NTM: variants seen among roughly 807,000 people sequenced by gnomAD.
NTM encodes the protein IgLON family member 2.
NTM carries 13 observed loss-of-function variants against 42.1 expected under a neutral mutation model. That is an observed-to-expected ratio of 0.31 (90% CI 0.20 to 0.49). The LOEUF (loss-of-function observed/expected upper bound fraction) is 0.49. Among genes scored for constraint, NTM ranks in the 20% least tolerant of loss-of-function variants. NTM has a pLI of 0.99. For missense variants in NTM, 373 were observed against 452.8 expected, an observed-to-expected ratio of 0.82 and a Z score of 1.60; for synonymous variants, 187 against 179.2, an observed-to-expected ratio of 1.04 and a Z score of -0.35.
Position 131,913,387 on chromosome 11 carries a change from T to C in NTM, c.167+1739T>C, listed in dbSNP as rs2012127. ...AGCTCTGTAGAGACTTGAAGATAAA[T>C]AAACAGGAAGTGGGTCCTGGCAGAC... On this transcript the variant is annotated intron_variant, in intron 2 of 8. Transcript: ENST00000683400. Among the ~76,000 whole-genome samples, 1,199 of 152,026 alleles carry C rather than the reference T, an allele frequency of 7.9e-3. 13 individuals are homozygous for C. Among genetic ancestry groups the C allele is most frequent in the African/African-American group, 0.028 (1,144 of 41,436 alleles).
chr11:131,722,457 G>A (rs2078481411), intron 1 of NTM, among the ~76,000 whole-genome samples: 1 of 152,334 alleles, frequency 6.6e-6, no homozygotes, highest in Admixed American at 6.5e-5. Flanking sequence ...AATTCTTCAA[G>A]CACATAAATG....
intron 3 of NTM, among the ~76,000 whole-genome samples, chr11:132,182,064 A>G (rs1459532571): frequency 6.6e-6 from 1 of 151,740 alleles, no homozygotes; most frequent in Non-Finnish European, 1.5e-5. Context: ...TCCATATTTC[A>G]TGAGGAAACC....
intron 1 of NTM, among the ~76,000 whole-genome samples, chr11:131,580,160 C>T (rs1002734910): frequency 6.6e-6 from 1 of 152,132 alleles, no homozygotes; most frequent in Non-Finnish European, 1.5e-5. Context: ...TTTTGCTAAC[C>T]CCCTCTATTG....
chr11:131,734,291 A>G (rs780103062), intron 1 of NTM, among the ~76,000 whole-genome samples: 3 of 152,164 alleles, frequency 2.0e-5, no homozygotes, highest in Non-Finnish European at 2.9e-5. Flanking sequence ...GGCCGCTGCC[A>G]TGGTCTCATA....
chr11:131,941,534 C>G (rs1036807119), intron 2 of NTM, among the ~76,000 whole-genome samples: 1 of 152,144 alleles, frequency 6.6e-6, no homozygotes, highest in East Asian at 1.9e-4. Context: ...TCTGTCTCTC[C>G]CCTGGAACTT....
At chr11:131,822,659 A>G (rs571903216) in intron 1 of NTM, among the ~76,000 whole-genome samples, 5 of 152,204 alleles carry the variant, frequency 3.3e-5, no homozygotes, top group African/African-American at 1.2e-4. Flanking sequence ...CATGGTGTCA[A>G]TGTAATGTGT....
In NTM at chr11:132,073,166, T is replaced by A. The variant is rs193285816; in HGVS notation, c.168-73116T>A. Among the ~76,000 whole-genome samples the A allele has an allele frequency of 7.2e-4, 110 of 152,254 alleles. 2 individuals are homozygous for A. Among genetic ancestry groups the A allele is most frequent in the African/African-American group, 2.5e-3 (103 of 41,552 alleles). ...TTCTCTAGGCTAAGGGTTTCCAAAC[T>A]AAGTGTCCTCTGTATTAACAACGAG... On this transcript the variant is annotated intron_variant, in intron 2 of 8. Coordinates refer to ENST00000683400, the MANE Select transcript of NTM (RefSeq NM_001352005.2).
chr11:132,181,981 T>TATC (rs1408194674), intron 3 of NTM, among the ~76,000 whole-genome samples: 2 of 148,000 alleles, frequency 1.4e-5, no homozygotes, highest in Non-Finnish European at 3.0e-5. Context: ...TTATTATTAT[T>TATC]ATTATTATTA....
At chr11:131,848,437 T>C (rs183946056) in intron 1 of NTM, among the ~76,000 whole-genome samples, 2 of 152,306 alleles carry the variant, frequency 1.3e-5, no homozygotes, top group Admixed American at 6.5e-5. Flanking sequence ...TTCCTGATGA[T>C]GTGGTAATAT....
chr11:131,661,648 C>G (rs2134472024), intron 1 of NTM, among the ~76,000 whole-genome samples: 1 of 152,260 alleles, frequency 6.6e-6, no homozygotes, highest in Admixed American at 6.5e-5. Flanking sequence ...ATTGTAGTCA[C>G]TGTACCTTTT....
chr11:131,601,565 C>A (rs974292413), intron 1 of NTM, among the ~76,000 whole-genome samples: 5 of 151,796 alleles, frequency 3.3e-5, no homozygotes. Flanking sequence ...AAAATGCTCC[C>A]ACCTCAAACC....
chr11:131,746,615 A>G (rs192996260), intron 1 of NTM, among the ~76,000 whole-genome samples: 3 of 152,356 alleles, frequency 2.0e-5, no homozygotes, highest in Admixed American at 6.5e-5. Context: ...GTTTCAGGTT[A>G]TGCTCAGATT....
chr11:131,822,663 AAT>A, intron 1 of NTM, among the ~76,000 whole-genome samples: 1 of 152,286 alleles, frequency 6.6e-6, no homozygotes, highest in South Asian at 2.1e-4. Context: ...GTGTCAATGT[AAT>A]GTGTTACTTT....
At chr11:132,018,114 TCC>T (rs974993445) in intron 2 of NTM, among the ~76,000 whole-genome samples, 22 of 151,804 alleles carry the variant, frequency 1.4e-4, no homozygotes, top group Non-Finnish European at 2.2e-4. Context: ...TGTCCCTCTC[TCC>T]CTCTGTCTCT....
intron 4 of NTM, among the ~76,000 whole-genome samples, chr11:132,252,713 A>G (rs1447449182): frequency 1.3e-5 from 2 of 152,190 alleles, no homozygotes; most frequent in Non-Finnish European, 2.9e-5. Flanking sequence ...GTCCTGATAT[A>G]TGGCTGGGTA....
intron 1 of NTM, among the ~76,000 whole-genome samples, chr11:131,873,813 C>T (rs1226208652): frequency 7.0e-6 from 1 of 141,970 alleles, no homozygotes; most frequent in African/African-American, 2.6e-5. Flanking sequence ...CCCCTTGCCC[C>T]CATCCCCCAA....
intron 1 of NTM, among the ~76,000 whole-genome samples, chr11:131,750,340 A>T (rs1428538470): frequency 6.6e-6 from 1 of 152,208 alleles, no homozygotes; most frequent in Non-Finnish European, 1.5e-5. Context: ...ACATTGCCAC[A>T]TACCCATGTG....
intron 1 of NTM, among the ~76,000 whole-genome samples, chr11:131,491,986 C>T (rs1954850292): frequency 6.6e-6 from 1 of 152,184 alleles, no homozygotes; most frequent in African/African-American, 2.4e-5. Context: ...TGCCTAACAA[C>T]TCTGCAAGGC....
chr11:131,652,202 A>T (rs573232903), intron 1 of NTM, among the ~76,000 whole-genome samples: 14 of 152,196 alleles, frequency 9.2e-5, no homozygotes, highest in Non-Finnish European at 1.9e-4. Flanking sequence ...TGTGAGGATC[A>T]AAGAGCCTAA....
Sources: allele counts gnomAD v4.1 joint callset (sites outside exome capture counted in the v4.1 genomes callset), GRCh38; gene constraint gnomAD v4.1.1; transcripts MANE v1.5; gene names NCBI Gene and HGNC (gene_info 2026-07-23, HGNC 2026-07-21).